MDN1: variants seen among roughly 807,000 people sequenced by gnomAD.
MDN1 encodes midasin AAA ATPase 1, also known as midasin.
A neutral mutation model predicts 669.2 loss-of-function variants in MDN1; 266 were observed. The ratio of observed to expected loss-of-function variants is 0.40; its 90% confidence interval spans 0.36 to 0.44. MDN1 has a LOEUF of 0.44. Ranked by LOEUF, MDN1 falls within the 20% of genes least tolerant of loss-of-function variation. MDN1 has a pLI of 1.00. For missense variants in MDN1, 5,940 were observed against 6,754.0 expected, an observed-to-expected ratio of 0.88 and a Z score of 4.22; for synonymous variants, 2,385 against 2,457.1, an observed-to-expected ratio of 0.97 and a Z score of 0.87.
Position 89,749,419 on chromosome 6 carries a change from A to G in MDN1, c.3616-50T>C, listed in dbSNP as rs376750547. 17 of 1,602,492 alleles carry G rather than the reference A, an allele frequency of 1.1e-5. No homozygotes were observed. In the African/African-American group the frequency reaches 1.7e-4, roughly 16 times the overall value. ...AGTAAAAGGTGCCTTTTAATTTCCAATATGGAGGCTCTGACATTCACCATA... is the reference window on the plus strand; with the variant it reads ...AGTAAAAGGTGCCTTTTAATTTCCAGTATGGAGGCTCTGACATTCACCATA... On this transcript the variant is annotated intron_variant, in intron 25 of 101. Coordinates refer to ENST00000369393, the MANE Select transcript of MDN1 (RefSeq NM_014611.3).
intron 15 of MDN1, among the ~76,000 whole-genome samples, chr6:89,764,689 C>T (rs1294263253): frequency 6.6e-6 from 1 of 152,116 alleles, no homozygotes; most frequent in Non-Finnish European, 1.5e-5. Context: ...GTGAGCTAAG[C>T]ATTATCTGTG....
At chr6:89,735,245 AC>A (rs1815883700) in intron 33 of MDN1, among the ~76,000 whole-genome samples, 1 of 152,034 alleles carries the variant, frequency 6.6e-6, no homozygotes, top group Admixed American at 6.6e-5. Flanking sequence ...ATGTACCAAT[AC>A]TTGGTACATT....
At chr6:89,755,587 A>G (rs995299673) in intron 20 of MDN1, among the ~76,000 whole-genome samples, 1 of 152,162 alleles carries the variant, frequency 6.6e-6, no homozygotes, top group East Asian at 1.9e-4. Context: ...TGTATTAAGG[A>G]AGAGAAAAAA....
At chr6:89,700,335 A>AAG in intron 56 of MDN1, 41 bp from the exon 57 acceptor site, 1 of 1,485,550 alleles carries the variant, frequency 6.7e-7, no homozygotes, top group Non-Finnish European at 9.4e-7. Flanking sequence ...CACAATGGTT[A>AAG]AGAGTATAGC....
chr6:89,666,645 C>G (rs1397062868), intron 84 of MDN1, among the ~76,000 whole-genome samples: 3 of 152,146 alleles, frequency 2.0e-5, no homozygotes, highest in Non-Finnish European at 4.4e-5. Context: ...TAAAACACAT[C>G]TCTTCTTAAA....
chr6:89,762,739 C>A (rs1817619842), intron 15 of MDN1, among the ~76,000 whole-genome samples: 1 of 152,242 alleles, frequency 6.6e-6, no homozygotes, highest in Non-Finnish European at 1.5e-5. Context: ...AAGGTAAAAA[C>A]TATTATTAGA....
Position 89,678,601 on chromosome 6 carries a change from AT to A in MDN1, c.12409del (p.Ile4137LeufsTer26). ...LSDLFKHLAK[I>X]GLSYRKGLAW... ...TGGGTTTCAAGTGAGAACCTTACCA[AT>A]TTTTGCAAGGTGTTTAAAGAGGTCT... On this transcript the variant is annotated frameshift_variant, in exon 75 of 102. Coordinates refer to ENST00000369393, the MANE Select transcript of MDN1 (RefSeq NM_014611.3). LOFTEE classifies it high-confidence loss of function. 1 of 1,613,402 alleles carries A rather than the reference AT, an allele frequency of 6.2e-7. No homozygotes were observed. The highest frequency in any genetic ancestry group is 8.5e-7 in the Non-Finnish European group (1 of 1,179,782).
At chr6:89,652,620 C>T (rs1808957475) in intron 94 of MDN1, among the ~76,000 whole-genome samples, 1 of 152,190 alleles carries the variant, frequency 6.6e-6, no homozygotes, top group East Asian at 1.9e-4. Flanking sequence ...AATTAAATAG[C>T]TCTTCATAAA....
intron 84 of MDN1, among the ~76,000 whole-genome samples, chr6:89,665,558 T>A (rs1334833664): frequency 6.7e-6 from 1 of 149,422 alleles, no homozygotes; most frequent in Admixed American, 6.7e-5. Context: ...TATACAAAAA[T>A]TAGCCAGGCG....
At chr6:89,683,103 T>G (rs755026209) in intron 73 of MDN1, 29 bp downstream of exon 73, 1 of 1,608,100 alleles carries the variant, frequency 6.2e-7, no homozygotes, top group South Asian at 1.1e-5. Flanking sequence ...GGCTTGGGAA[T>G]AAGCCAGCAC....
Position 89,723,064 on chromosome 6 carries a change from C to T in MDN1, c.5858G>A (p.Arg1953His), listed in dbSNP as rs749236946. The T allele has an allele frequency of 1.7e-5, 28 of 1,613,960 alleles. No homozygotes were observed. In the Admixed American group the frequency reaches 2.0e-4, roughly 12 times the overall value. ...PWEFNLRDLF[R>H]WCQLMLVDQS... ...GTCAACCAGCATCAACTGACACCAG[C>T]GGAAAAGGTCCCGGAGGTTGAATTC... The change falls in exon 40 of 102, where the codon CGC becomes CAC. Residue 1953 changes from arginine (R) to histidine (H), a missense_variant. Around this residue, in one of 5 missense-constraint regions of MDN1, gnomAD observed 2,292 missense variants for 2,638.3 expected, o/e 0.87. Coordinates refer to ENST00000369393, the MANE Select transcript of MDN1 (RefSeq NM_014611.3).
At chr6:89,685,139 T>C (rs1811919139) in intron 70 of MDN1, among the ~76,000 whole-genome samples, 154 bp from the exon 71 acceptor site, 2 of 152,164 alleles carry the variant, frequency 1.3e-5, no homozygotes, top group Admixed American at 1.3e-4. Context: ...TTAGGGATCC[T>C]GTCTGAGTTT....
chr6:89,725,468 T>C lies in MDN1; in HGVS notation c.5473-72A>G, dbSNP rs140415512. 5.2e-4 allele frequency: 646 copies of C among 1,253,550 alleles called. 4 individuals carry two copies. Among genetic ancestry groups the C allele is most frequent in the African/African-American group, 4.7e-3 (315 of 66,880 alleles). 77.7% of individuals were successfully genotyped at this position (1,253,550 alleles called of 1,614,324 possible). On this transcript the variant is annotated intron_variant, in intron 37 of 101. Coordinates refer to ENST00000369393, the MANE Select transcript of MDN1 (RefSeq NM_014611.3). ...ACTGCAACAAAAAGCAGGGGAATAATATGCAGCAAATAAAGCTAGAGTTAT... is the reference window on the plus strand; with the variant it reads ...ACTGCAACAAAAAGCAGGGGAATAACATGCAGCAAATAAAGCTAGAGTTAT...
intron 1 of MDN1, chr6:89,815,308 CT>C: frequency 2.1e-6 from 1 of 481,278 alleles, no homozygotes; most frequent in Non-Finnish European, 4.1e-6. Flanking sequence ...AATTCGGCAT[CT>C]CCAGAAGCTG....
chr6:89,764,498 G>A (rs1244953110), intron 15 of MDN1, among the ~76,000 whole-genome samples: 1 of 152,112 alleles, frequency 6.6e-6, no homozygotes, highest in Non-Finnish European at 1.5e-5. Flanking sequence ...CCAGTTACTT[G>A]GGAAGCTGAG....
chr6:89,730,588 G>GT, intron 35 of MDN1, 138 bp downstream of exon 35: 1 of 685,300 alleles, frequency 1.5e-6, no homozygotes. Flanking sequence ...CACAATTATG[G>GT]TTATTCTCAA....
chr6:89,812,292 A>C (rs1768482679), intron 1 of MDN1, among the ~76,000 whole-genome samples: 1 of 151,824 alleles, frequency 6.6e-6, no homozygotes, highest in African/African-American at 2.4e-5. Context: ...CCAAGAAAAA[A>C]CATTTTTATT....
chr6:89,752,479 C>T (rs1001343855), intron 22 of MDN1, among the ~76,000 whole-genome samples: 22 of 152,194 alleles, frequency 1.4e-4, no homozygotes, highest in Non-Finnish European at 1.0e-4. Flanking sequence ...AGGGCTCTCT[C>T]TTCCTAATGA....
Position 89,771,593 on chromosome 6 carries a change from A to G in MDN1, c.2112T>C (p.Asn704=). The G allele has an allele frequency of 1.2e-6, 2 of 1,614,048 alleles. No homozygotes were observed. Among genetic ancestry groups the G allele is most frequent in the Non-Finnish European group, 1.7e-6 (2 of 1,179,966 alleles). The change falls in exon 15 of 102, where the codon AAT becomes AAC. Residue 704 remains asparagine (N), a synonymous_variant. Transcript: ENST00000369393. ...TGHRLRVVNM[N]QQSDTADLLG... is the part of the protein sequence containing the mutation. ...GCAAGTCTGCAGTATCACTTTGTTG[A>G]TTCATATTGACAACCCTCAAACGGT...
Sources: gnomAD v4.1 joint callset for allele counts (sites outside exome capture counted in the v4.1 genomes callset) on GRCh38, gnomAD v4.1.1 for gene constraint, gnomAD v4.1.1 regional missense constraint, MANE v1.5 for transcripts, NCBI Gene and HGNC (gene_info 2026-07-23, HGNC 2026-07-21) for gene names.